GRAMD1B: variants seen among roughly 807,000 people sequenced by gnomAD.
The protein encoded by GRAMD1B is protein Aster-B.
In GRAMD1B, 37 loss-of-function variants were observed where a neutral mutation model predicts 99.7. That is an observed-to-expected ratio of 0.37 (90% CI 0.29 to 0.49). GRAMD1B has a LOEUF of 0.49. GRAMD1B is among the 20% of genes least tolerant of loss of function. The pLI is 0.98. For synonymous variants in GRAMD1B, 427 were observed against 387.6 expected (o/e 1.10, Z -1.19); for missense variants, 888 against 1,009.2 (o/e 0.88, Z 1.63).
intron 3 of GRAMD1B, 120 bp downstream of exon 3, chr11:123,577,697 A>G: frequency 1.4e-6 from 1 of 724,394 alleles, no homozygotes; most frequent in Non-Finnish European, 2.4e-6. Flanking sequence ...CTGATGGCTC[A>G]GAGACAGTCA....
rs767104181 is a variant in GRAMD1B at position 123,449,714 on chromosome 11, C to CTTTTTTTTTTTTTTTTTTT, written c.374+18565_374+18566insTTTTTTTTTTTTTTTTTTT. Among the ~76,000 whole-genome samples the CTTTTTTTTTTTTTTTTTTT allele has an allele frequency of 1.6e-4, 16 of 99,966 alleles. 1 individual carries two copies. Among genetic ancestry groups the CTTTTTTTTTTTTTTTTTTT allele is most frequent in the Non-Finnish European group, 2.7e-4 (13 of 48,586 alleles). 65.6% of individuals were successfully genotyped at this position (99,966 alleles called of 152,430 possible). On this transcript the variant is annotated intron_variant, in intron 1 of 19. Coordinates refer to ENST00000635736, the MANE Select transcript of GRAMD1B (RefSeq NM_001387025.1). ...TGCAGATGCATGCCACCATGCCTGG[C>CTTTTTTTTTTTTTTTTTTT]TTTTTTTTTTTTTTTTTGAGACAGG...
intron 1 of GRAMD1B, among the ~76,000 whole-genome samples, chr11:123,366,160 G>A (rs573901624): frequency 7.9e-5 from 12 of 152,320 alleles, no homozygotes; most frequent in African/African-American, 2.9e-4. Flanking sequence ...TCTTTTGCAT[G>A]CACGAGCTTC....
At chr11:123,377,040 C>T (rs1946712891) in intron 1 of GRAMD1B, among the ~76,000 whole-genome samples, 1 of 152,158 alleles carries the variant, frequency 6.6e-6, no homozygotes, top group Non-Finnish European at 1.5e-5. Context: ...TCCATTTTCG[C>T]CTGCCTGAAT....
chr11:123,441,962 G>A (rs1286628650), intron 1 of GRAMD1B, among the ~76,000 whole-genome samples: 2 of 152,032 alleles, frequency 1.3e-5, no homozygotes, highest in Non-Finnish European at 2.9e-5. Flanking sequence ...TAGAAGGTAA[G>A]GGAGAGTGTT....
intron 1 of GRAMD1B, among the ~76,000 whole-genome samples, chr11:123,461,955 AT>A (rs1950437803): frequency 7.5e-6 from 1 of 132,730 alleles, no homozygotes; most frequent in Non-Finnish European, 1.6e-5. Context: ...TGGTATGGTC[AT>A]TTGTTTATTT....
intron 2 of GRAMD1B, among the ~76,000 whole-genome samples, chr11:123,555,423 A>G (rs1476387898): frequency 6.6e-6 from 1 of 152,182 alleles, no homozygotes; most frequent in Non-Finnish European, 1.5e-5. Context: ...ATCTTGGCTC[A>G]CTGCAACCTC....
chr11:123,436,219 G>T (rs1949154836), intron 1 of GRAMD1B, among the ~76,000 whole-genome samples: 1 of 152,112 alleles, frequency 6.6e-6, no homozygotes, highest in African/African-American at 2.4e-5. Context: ...GGGATTACAG[G>T]CATGAACCAC....
At chr11:123,421,776 A>G (rs539607641) in intron 1 of GRAMD1B, among the ~76,000 whole-genome samples, 3 of 152,212 alleles carry the variant, frequency 2.0e-5, no homozygotes, top group South Asian at 4.1e-4. Context: ...TTTCATGTCT[A>G]TTTGGACACC....
At position 123,591,321 on chromosome 11, in the gene GRAMD1B, T is replaced by C; in HGVS notation, c.685-2761T>C. 3 of 398,224 alleles carry C rather than the reference T, an allele frequency of 7.5e-6. No homozygotes were observed. The highest frequency in any genetic ancestry group is 6.3e-4 in the Middle Eastern group (1 of 1,588). 24.7% of individuals were successfully genotyped at this position (398,224 alleles called of 1,614,324 possible). ...TCAAGCCAGGGGAGACCAGTTGTTT[T>C]CATCGTGTGGGGACAGTCGGGAGTC... On this transcript the variant is annotated intron_variant, in intron 4 of 19. Transcript: ENST00000635736. This position sits in a 1 kb window ranked among gnomAD's most constrained non-coding sequence, Gnocchi z 4.7.
chr11:123,385,875 G>GTT (rs1448389044), intron 1 of GRAMD1B, among the ~76,000 whole-genome samples: 1 of 152,158 alleles, frequency 6.6e-6, no homozygotes, highest in Non-Finnish European at 1.5e-5. Context: ...GTGTGTGTGT[G>GTT]TAATGATGCT....
chr11:123,565,993 G>C (rs145696832), intron 2 of GRAMD1B, among the ~76,000 whole-genome samples: 1 of 152,140 alleles, frequency 6.6e-6, no homozygotes, highest in Admixed American at 6.5e-5. Flanking sequence ...GCCACAATCT[G>C]TACTCTCATC....
At chr11:123,461,119 T>C (rs1037231910) in intron 1 of GRAMD1B, among the ~76,000 whole-genome samples, 2 of 152,192 alleles carry the variant, frequency 1.3e-5, no homozygotes, top group Non-Finnish European at 2.9e-5. Context: ...TAAAAACATA[T>C]TGAGTCTTAA....
chr11:123,559,714 A>C (rs1591997966), intron 2 of GRAMD1B: 1 of 983,786 alleles, frequency 1.0e-6, no homozygotes. Context: ...CCTGAGTGTT[A>C]CTCTTGCTGT....
chr11:123,494,208 A>C (rs1938939234), intron 2 of GRAMD1B, among the ~76,000 whole-genome samples: 1 of 152,154 alleles, frequency 6.6e-6, no homozygotes, highest in African/African-American at 2.4e-5. Flanking sequence ...CTTTTTGTTA[A>C]TGCTGACATT....
intron 1 of GRAMD1B, among the ~76,000 whole-genome samples, chr11:123,420,243 G>A (rs1239625996): frequency 1.3e-5 from 2 of 152,140 alleles, no homozygotes; most frequent in Non-Finnish European, 2.9e-5. Flanking sequence ...GTGCCTGCTT[G>A]GAGCCTTGAG....
chr11:123,482,150 G>A (rs189827892), intron 2 of GRAMD1B, among the ~76,000 whole-genome samples: 1 of 151,534 alleles, frequency 6.6e-6, no homozygotes, highest in African/African-American at 2.4e-5. Flanking sequence ...ATAGGCTGGA[G>A]TGCAGTGGTG....
At chr11:123,509,763 G>T (rs1221981273) in intron 2 of GRAMD1B, among the ~76,000 whole-genome samples, 2 of 152,230 alleles carry the variant, frequency 1.3e-5, no homozygotes, top group Non-Finnish European at 2.9e-5. Context: ...GAGTAAAGTG[G>T]GCCAGAGAGG....
At chr11:123,471,454 G>A (rs1782725063) in intron 1 of GRAMD1B, among the ~76,000 whole-genome samples, 1 of 152,114 alleles carries the variant, frequency 6.6e-6, no homozygotes, top group African/African-American at 2.4e-5. Flanking sequence ...AAACATTTTA[G>A]GACCAAATAG....
intron 1 of GRAMD1B, among the ~76,000 whole-genome samples, chr11:123,437,559 CCTT>C (rs1949217642): frequency 6.6e-6 from 1 of 152,110 alleles, no homozygotes; most frequent in Non-Finnish European, 1.5e-5. Flanking sequence ...CTGTTATGTC[CCTT>C]CTTCTACATA....
Sources: allele counts gnomAD v4.1 joint callset (sites outside exome capture counted in the v4.1 genomes callset), GRCh38; gene constraint gnomAD v4.1.1; non-coding constraint Gnocchi (gnomAD v3.1); transcripts MANE v1.5; gene names NCBI Gene and HGNC (gene_info 2026-07-23, HGNC 2026-07-21).